The following RDX variants were observed in gnomAD, a reference collection of about 807,000 sequenced individuals.
The protein encoded by RDX is deafness, autosomal recessive 24.
Under a neutral mutation model 83.7 loss-of-function variants are expected in RDX, and 32 were observed. The ratio of observed to expected loss-of-function variants is 0.38; its 90% CI spans 0.29 to 0.51. The LOEUF (loss-of-function observed/expected upper bound fraction) is 0.51. Among genes scored for constraint, RDX ranks in the 20% least tolerant of loss-of-function variants. The pLI is 0.87. For missense variants in RDX, 600 were observed against 689.9 expected (o/e 0.87, Z 1.46); for synonymous variants, 229 against 222.7 (o/e 1.03, Z -0.25).
At chr11:110,177,276 T>C (rs975915113) in intron 15 of RDX, among the ~76,000 whole-genome samples, 1 of 152,200 alleles carries the variant, frequency 6.6e-6, no homozygotes, top group South Asian at 2.1e-4. Flanking sequence ...GGTGAGGTGG[T>C]GGGGTCCAGA....
chr11:110,295,886 C>G (rs1053425342), intron 1 of RDX, among the ~76,000 whole-genome samples: 1 of 152,028 alleles, frequency 6.6e-6, no homozygotes, highest in African/African-American at 2.4e-5. Context: ...GCGGCGGGAG[C>G]GACTGGCGCC....
intron 1 of RDX, among the ~76,000 whole-genome samples, chr11:110,292,908 T>G (rs941176575): frequency 6.6e-6 from 1 of 152,224 alleles, no homozygotes; most frequent in Non-Finnish European, 1.5e-5. Context: ...ACCTCCTTTT[T>G]TAAAAGACAC....
At chr11:110,287,598 G>A (rs532533902) in intron 1 of RDX, among the ~76,000 whole-genome samples, 59 of 152,108 alleles carry the variant, frequency 3.9e-4, no homozygotes, top group African/African-American at 1.3e-3. Context: ...ATGTCATCCC[G>A]TCATCCCAAA....
At chr11:110,191,594 G>A (rs1486703966) in intron 15 of RDX, among the ~76,000 whole-genome samples, 1 of 152,172 alleles carries the variant, frequency 6.6e-6, no homozygotes, top group East Asian at 1.9e-4. Context: ...AGTGGCTCAC[G>A]CCTGTAATCC....
chr11:110,224,917 C>G (rs1283616162), downstream of RDX, among the ~76,000 whole-genome samples: 1 of 152,152 alleles, frequency 6.6e-6, no homozygotes, highest in Non-Finnish European at 1.5e-5. Flanking sequence ...CTTTTTCAAG[C>G]AAGGTTTAGT....
At position 110,254,127 on chromosome 11, in the gene RDX, T is replaced by C. The variant is rs1362796772; in HGVS notation, c.796-18A>G. On this transcript the variant is annotated intron_variant, in intron 8 of 13. Transcript: ENST00000645495. The stretch of plus-strand genomic sequence containing the variant: ...ACAAAATCCTAAACATAAAGTATTC[T>C]GAATTTAAAATCTTCCTCAAGGATA... 6.2e-7 allele frequency: 1 copy of C among 1,607,756 alleles called. No homozygotes were observed.
intron 14 of RDX, among the ~76,000 whole-genome samples, chr11:110,223,535 TA>T (rs1489111086): frequency 6.6e-6 from 1 of 151,382 alleles, no homozygotes; most frequent in African/African-American, 2.4e-5. Context: ...CTCAAAAAAA[TA>T]AATAAAATAA....
chr11:110,183,326 A>G (rs1862924559), intron 15 of RDX, among the ~76,000 whole-genome samples: 3 of 152,178 alleles, frequency 2.0e-5, no homozygotes. Context: ...GTATATCTGT[A>G]TCGATAGATA....
chr11:110,221,707 C>T (rs1215622035), intron 14 of RDX, among the ~76,000 whole-genome samples: 1 of 151,368 alleles, frequency 6.6e-6, no homozygotes, highest in Non-Finnish European at 1.5e-5. Context: ...AATCAAAGAA[C>T]ATTTCCTTAG....
At chr11:110,289,238 C>CAAAAAAAAAAAAAAAAAAAAAA (rs753424624) in intron 1 of RDX, among the ~76,000 whole-genome samples, 1 of 54,358 alleles carries the variant, frequency 1.8e-5, no homozygotes, top group Non-Finnish European at 3.9e-5. Context: ...AACTCTATCT[C>CAAAAAAAAAAAAAAAAAAAAAA]AAAAAAAAAA....
intron 1 of RDX, among the ~76,000 whole-genome samples, chr11:110,287,725 C>T (rs917746106): frequency 6.6e-6 from 1 of 152,146 alleles, no homozygotes; most frequent in Non-Finnish European, 1.5e-5. Context: ...CTCCACTCTG[C>T]CTACACTTCC....
chr11:110,296,293 C>A (rs1311658362), intron 1 of RDX, among the ~76,000 whole-genome samples, 174 bp downstream of exon 1: 17 of 149,754 alleles, frequency 1.1e-4, no homozygotes, highest in Admixed American at 1.1e-3. Flanking sequence ...CCTGGCCGGC[C>A]GGGCCGTTAC....
chr11:110,268,895 A>C lies in RDX; in HGVS notation c.96+3641T>G, dbSNP rs552204782. Among the ~76,000 whole-genome samples, 13 of 151,732 alleles carry C rather than the reference A, an allele frequency of 8.6e-5. No homozygotes were observed. In the East Asian group the frequency reaches 2.1e-3, roughly 25 times the overall value. ...CTATAACATAGGTATATTTATTTAC[A>C]AGTTACATACTATCATGCTAATACA... On this transcript the variant is annotated intron_variant, in intron 3 of 13. Transcript: ENST00000645495.
At chr11:110,191,543 A>G (rs1863103391) in intron 15 of RDX, among the ~76,000 whole-genome samples, 1 of 152,250 alleles carries the variant, frequency 6.6e-6, no homozygotes, top group Admixed American at 6.5e-5. Context: ...TATTCAGCAT[A>G]GTACTTGAAA....
intron 2 of RDX, among the ~76,000 whole-genome samples, chr11:110,273,851 TACTAAC>T (rs1019834290): frequency 6.6e-6 from 1 of 152,264 alleles, no homozygotes; most frequent in African/African-American, 2.4e-5. Flanking sequence ...TAGCGATTCC[TACTAAC>T]ACTGTTTCTG....
intron 1 of RDX, among the ~76,000 whole-genome samples, chr11:110,295,888 A>G (rs10789760): frequency 0.73 from 110,811 of 152,098 alleles, 40,524 homozygotes; most frequent in East Asian, 0.83. Context: ...GGCGGGAGCG[A>G]CTGGCGCCCC....
chr11:110,230,752 C>T lies in RDX; in HGVS notation c.*1117G>A, dbSNP rs1331404341. ...GACAAAAAGGCAGTTAAAAATTTAG[C>T]ACTCTTAAGATATTCTGAAGGAAAA... On this transcript the variant is annotated 3_prime_UTR_variant, in exon 14 of 14. Coordinates refer to ENST00000645495, the MANE Select transcript of RDX (RefSeq NM_002906.4). The T allele has an allele frequency of 1.3e-5, 2 of 152,518 alleles. No homozygotes were observed. The highest frequency in any genetic ancestry group is 4.8e-5 in the African/African-American group (2 of 41,394). The allele number at this position is 152,518 out of a possible 1,614,324, so 9.4% of individuals were successfully genotyped here. A position where few individuals can be genotyped will look rare whatever the true frequency, so the allele number is the denominator to read the frequency against.
chr11:110,268,782 A>T (rs1386445094), intron 3 of RDX, among the ~76,000 whole-genome samples: 1 of 150,550 alleles, frequency 6.6e-6, no homozygotes, highest in Non-Finnish European at 1.5e-5. Flanking sequence ...TTTTTTTTTT[A>T]ATTAATATAT....
intron 15 of RDX, among the ~76,000 whole-genome samples, chr11:110,197,138 A>C (rs1863234463): frequency 6.6e-6 from 1 of 152,080 alleles, no homozygotes; most frequent in Non-Finnish European, 1.5e-5. Flanking sequence ...GAGTTCATTC[A>C]ACCCACCTGT....
Sources: gnomAD v4.1 joint callset for allele counts (sites outside exome capture counted in the v4.1 genomes callset) on GRCh38, gnomAD v4.1.1 for gene constraint, MANE v1.5 for transcripts, NCBI Gene and HGNC (gene_info 2026-07-23, HGNC 2026-07-21) for gene names.